EXT1: variants seen among roughly 807,000 people sequenced by gnomAD.
EXT1 encodes exostosin glycosyltransferase 1.
In EXT1, 20 loss-of-function variants were observed where a neutral mutation model predicts 82.5. The ratio of observed to expected loss-of-function variants is 0.24; its 90% CI spans 0.17 to 0.35. The LOEUF (loss-of-function observed/expected upper bound fraction) is 0.35. EXT1 is among the 10% of genes least tolerant of loss of function. EXT1 has a pLI of 1.00. For missense variants in EXT1, 757 were observed against 936.5 expected, an observed-to-expected ratio of 0.81 and a Z score of 2.50; for synonymous variants, 348 against 350.8, an observed-to-expected ratio of 0.99 and a Z score of 0.09.
intron 1 of EXT1, among the ~76,000 whole-genome samples, chr8:118,052,914 A>G (rs998672168): frequency 6.6e-6 from 1 of 152,202 alleles, no homozygotes; most frequent in Non-Finnish European, 1.5e-5. Flanking sequence ...TGAAGAATTT[A>G]GGAGACAATC....
chr8:117,964,061 C>G (rs11562773), intron 1 of EXT1, among the ~76,000 whole-genome samples: 1 of 152,152 alleles, frequency 6.6e-6, no homozygotes, highest in South Asian at 2.1e-4. Context: ...GTAGAAACCA[C>G]TGTGCATTGC....
intron 1 of EXT1, among the ~76,000 whole-genome samples, chr8:117,971,806 G>T (rs933766734): frequency 1.3e-5 from 2 of 152,154 alleles, no homozygotes; most frequent in Non-Finnish European, 2.9e-5. Flanking sequence ...TTTCCAAAAG[G>T]AAATTTTTTA....
intron 10 of EXT1, 146 bp downstream of exon 10, chr8:117,804,576 C>A: frequency 1.1e-6 from 1 of 896,580 alleles, no homozygotes; most frequent in South Asian, 1.4e-5. Flanking sequence ...ATCATACACT[C>A]TTTTCTAGCT....
chr8:117,796,190 A>G lies in EXT1; in HGVS notation c.*3522T>C, dbSNP rs543275238. ...CTACTTTTAAATACTGGAGATCTCAAGAGACCCAAGGGAACACAAGACACT... is the reference window on the plus strand; with the variant it reads ...CTACTTTTAAATACTGGAGATCTCAGGAGACCCAAGGGAACACAAGACACT... On this transcript the variant is annotated 3_prime_UTR_variant, in exon 11 of 11. Coordinates refer to ENST00000378204, the MANE Select transcript of EXT1 (RefSeq NM_000127.3). The G allele has an allele frequency of 3.3e-5, 5 of 152,296 alleles. No homozygotes were observed. In the East Asian group the frequency reaches 7.7e-4, roughly 23 times the overall value. 9.4% of individuals were successfully genotyped at this position (152,296 alleles called of 1,614,324 possible).
intron 1 of EXT1, among the ~76,000 whole-genome samples, chr8:117,996,965 T>C (rs1022556212): frequency 1.3e-5 from 2 of 152,204 alleles, no homozygotes; most frequent in Non-Finnish European, 2.9e-5. Flanking sequence ...GGAACACTTC[T>C]CTATAATGTT....
chr8:117,832,428 G>A (rs1237637186), intron 3 of EXT1, among the ~76,000 whole-genome samples: 1 of 152,028 alleles, frequency 6.6e-6, no homozygotes, highest in African/African-American at 2.4e-5. Flanking sequence ...GAAGGCTGAG[G>A]CAGAAGAATT....
intron 1 of EXT1, among the ~76,000 whole-genome samples, chr8:118,051,535 G>A (rs1241972149): frequency 6.6e-6 from 1 of 152,084 alleles, no homozygotes; most frequent in Non-Finnish European, 1.5e-5. Context: ...GATGGGCCAG[G>A]GAAAACACAA....
Position 117,808,288 on chromosome 8 carries a change from A to G in EXT1, c.1723-911T>C, listed in dbSNP as rs147137226. On this transcript the variant is annotated intron_variant, in intron 8 of 10. Coordinates refer to ENST00000378204, the MANE Select transcript of EXT1 (RefSeq NM_000127.3). Reference sequence around the variant, plus strand: ...TCATAATTGTGAAATGTTATAATACAACAGGTGCAGCTATAGGTGCTTATC... The same window carrying G: ...TCATAATTGTGAAATGTTATAATACGACAGGTGCAGCTATAGGTGCTTATC... 1.2e-4 allele frequency among the ~76,000 whole-genome samples: 18 copies of G among 152,354 alleles called. 1 individual carries two copies. In the East Asian group the frequency reaches 3.3e-3, roughly 28 times the overall value.
At chr8:117,931,036 T>G (rs1436587763) in intron 1 of EXT1, among the ~76,000 whole-genome samples, 1 of 152,188 alleles carries the variant, frequency 6.6e-6, no homozygotes, top group Non-Finnish European at 1.5e-5. Flanking sequence ...AGGGGAAGAA[T>G]CCTCAGTTCC....
intron 1 of EXT1, among the ~76,000 whole-genome samples, chr8:117,922,633 C>G (rs1045777846): frequency 2.6e-5 from 4 of 152,052 alleles, no homozygotes; most frequent in Non-Finnish European, 5.9e-5. Context: ...GAGAAGCTGG[C>G]TTCTCTCTTC....
At position 117,849,055 on chromosome 8, in the gene EXT1, G is replaced by C. The variant is rs558786096; in HGVS notation, c.963-11854C>G. Among the ~76,000 whole-genome samples, 318 of 152,272 alleles carry C rather than the reference G, an allele frequency of 2.1e-3. 1 individual carries two copies. The highest frequency in any genetic ancestry group is 6.8e-3 in the Middle Eastern group (2 of 294). On this transcript the variant is annotated intron_variant, in intron 1 of 10. Transcript: ENST00000378204. Reference sequence around the variant, plus strand: ...TACAAAGTCCGGCTCTCAATTTCTTGACAGAGAATGCTAACTTCTATCTCT... The same window carrying C: ...TACAAAGTCCGGCTCTCAATTTCTTCACAGAGAATGCTAACTTCTATCTCT...
intron 1 of EXT1, among the ~76,000 whole-genome samples, chr8:117,945,653 C>A (rs1563609252): frequency 2.0e-5 from 3 of 152,032 alleles, no homozygotes; most frequent in Admixed American, 6.5e-5. Context: ...AGGCGCCCAC[C>A]ACCATACCCA....
intron 1 of EXT1, among the ~76,000 whole-genome samples, chr8:118,097,162 CCGGCTGGGTGCAG>C (rs1465890927): frequency 6.6e-6 from 1 of 152,074 alleles, no homozygotes; most frequent in Non-Finnish European, 1.5e-5. Context: ...GGAACTTCGG[CCGGCTGGGTGCAG>C]CGGCTCACGC....
At chr8:118,065,395 A>G (rs1355268764) in intron 1 of EXT1, among the ~76,000 whole-genome samples, 1 of 152,190 alleles carries the variant, frequency 6.6e-6, no homozygotes, top group Admixed American at 6.5e-5. Context: ...GATACAAGGA[A>G]AGATCAGGTG....
At chr8:117,977,495 A>C (rs1213894918) in intron 1 of EXT1, among the ~76,000 whole-genome samples, 3 of 152,168 alleles carry the variant, frequency 2.0e-5, no homozygotes, top group Non-Finnish European at 2.9e-5. Context: ...AGAAGTTGTC[A>C]GATGTGAAAT....
Position 117,796,193 on chromosome 8 carries a change from G to T in EXT1, c.*3519C>A, listed in dbSNP as rs1031073481. 2.0e-5 allele frequency: 3 copies of T among 152,104 alleles called. No homozygotes were observed. The highest frequency in any genetic ancestry group is 7.2e-5 in the African/African-American group (3 of 41,396). 9.4% of individuals were successfully genotyped at this position (152,104 alleles called of 1,614,324 possible). A position where few individuals can be genotyped will look rare whatever the true frequency, so the allele number is the denominator to read the frequency against. Reference sequence around the variant, plus strand: ...CTTTTAAATACTGGAGATCTCAAGAGACCCAAGGGAACACAAGACACTTCC... The same window carrying T: ...CTTTTAAATACTGGAGATCTCAAGATACCCAAGGGAACACAAGACACTTCC... On this transcript the variant is annotated 3_prime_UTR_variant, in exon 11 of 11. Coordinates refer to ENST00000378204, the MANE Select transcript of EXT1 (RefSeq NM_000127.3).
At chr8:117,864,994 A>C (rs1812751892) in intron 1 of EXT1, among the ~76,000 whole-genome samples, 1 of 152,102 alleles carries the variant, frequency 6.6e-6, no homozygotes, top group Non-Finnish European at 1.5e-5. Context: ...GTATTCATTT[A>C]TTTGCATCAG....
chr8:117,982,136 T>C (rs1815219625), intron 1 of EXT1, among the ~76,000 whole-genome samples: 1 of 152,176 alleles, frequency 6.6e-6, no homozygotes, highest in African/African-American at 2.4e-5. Context: ...TGTGGCTGCT[T>C]TCTCTGCTCA....
At chr8:117,826,383 C>G (rs1407399802) in intron 4 of EXT1, among the ~76,000 whole-genome samples, 1 of 152,164 alleles carries the variant, frequency 6.6e-6, no homozygotes, top group Non-Finnish European at 1.5e-5. Flanking sequence ...AGTCTGAGTA[C>G]AGAACATCCT....
Sources: gnomAD v4.1 joint callset for allele counts (sites outside exome capture counted in the v4.1 genomes callset) on GRCh38, gnomAD v4.1.1 for gene constraint, MANE v1.5 for transcripts, NCBI Gene and HGNC (gene_info 2026-07-23, HGNC 2026-07-21) for gene names.